The following GNB1 variants were observed in gnomAD, a reference collection of about 807,000 sequenced individuals.
The protein encoded by GNB1 is guanine nucleotide-binding protein G(I)/G(S)/G(T) subunit beta-1.
GNB1 carries 2 observed loss-of-function variants against 42.9 expected under a neutral mutation model. The ratio of observed to expected loss-of-function variants is 0.05; its 90% CI spans 0.02 to 0.15. The LOEUF (loss-of-function observed/expected upper bound fraction) is 0.15. GNB1 is among the 10% of genes least tolerant of loss of function. GNB1 has a pLI of 1.00. For synonymous variants in GNB1, 183 were observed against 174.7 expected, an observed-to-expected ratio of 1.05 and a Z score of -0.38; for missense variants, 193 against 462.2, an observed-to-expected ratio of 0.42 and a Z score of 5.34.
chr1:1,868,844 T>C (rs899781839), intron 1 of GNB1, among the ~76,000 whole-genome samples: 1 of 151,872 alleles, frequency 6.6e-6, no homozygotes, highest in Non-Finnish European at 1.5e-5. Flanking sequence ...ATTAGTGTAT[T>C]TGCCTAAGAA....
chr1:1,878,600 C>T (rs1158327103), intron 1 of GNB1, among the ~76,000 whole-genome samples: 1 of 152,174 alleles, frequency 6.6e-6, no homozygotes, highest in Non-Finnish European at 1.5e-5. Context: ...CCATCTTTTT[C>T]AGCACACAGC....
Position 1,787,509 on chromosome 1 carries a change from C to A in GNB1, c.917-72G>T, listed in dbSNP as rs115850563. On this transcript the variant is annotated intron_variant, in intron 10 of 11. Coordinates refer to ENST00000378609, the MANE Select transcript of GNB1 (RefSeq NM_002074.5). This position sits in a 1 kb window ranked among gnomAD's most constrained non-coding sequence, Gnocchi z 4.4. The stretch of plus-strand genomic sequence containing the variant: ...ATCTCACCTGTGTGCCATGTTGTGA[C>A]GAGGACGGATGGTGCATCTCTCATG... The A allele has an allele frequency of 3.1e-5, 28 of 901,924 alleles. No homozygotes were observed. The highest frequency in any genetic ancestry group is 7.2e-6 in the Non-Finnish European group (4 of 555,566). The allele number at this position is 901,924 out of a possible 1,614,324, so 55.9% of individuals were successfully genotyped here.
chr1:1,869,060 C>T (rs1287016741), intron 1 of GNB1, among the ~76,000 whole-genome samples: 9 of 150,794 alleles, frequency 6.0e-5, no homozygotes, highest in Non-Finnish European at 1.5e-5. Flanking sequence ...GTGGCGGGCA[C>T]CTGTAGTCCC....
At chr1:1,865,752 T>C (rs1186737402) in intron 1 of GNB1, among the ~76,000 whole-genome samples, 1 of 152,196 alleles carries the variant, frequency 6.6e-6, no homozygotes, top group African/African-American at 2.4e-5. Context: ...CTCATTTCAG[T>C]CATGCTAACT....
At position 1,790,459 on chromosome 1, in the gene GNB1, T is replaced by A; in HGVS notation, c.635A>T (p.Asp212Val). Reference protein sequence around the residue: ...GACDASAKLWDVREGMCRQTF... With the variant: ...GACDASAKLWVVREGMCRQTF... ...CTGCCGGCACATGCCTTCTCGCACA[T>A]CCCAGAGTTTGGCTGAAGCATCACA... Residue 212 changes from aspartate to valine, a missense_variant, in exon 9 of 12, where the codon GAT (aspartate) becomes GTT (valine). By Grantham distance (152) the Asp-to-Val change is radical. This residue lies in a region of GNB1 where 150 missense variants were observed against 410.8 expected (regional missense o/e 0.37). Transcript: ENST00000378609. This position sits in a 1 kb window ranked among gnomAD's most constrained non-coding sequence, Gnocchi z 5.4. 1 of 1,613,984 alleles carries A rather than the reference T, an allele frequency of 6.2e-7. No individual in the cohort carries two copies.
rs1557880103 is a variant in GNB1 at position 1,789,715 on chromosome 1, TG to T, written c.700-447del. Among the ~76,000 whole-genome samples the T allele has an allele frequency of 2.3e-4, 12 of 51,564 alleles. No homozygotes were observed. In the South Asian group the frequency reaches 3.8e-3, roughly 16 times the overall value. 33.8% of individuals were successfully genotyped at this position (51,564 alleles called of 152,430 possible). A position where few individuals can be genotyped will look rare whatever the true frequency, so the allele number is the denominator to read the frequency against. On this transcript the variant is annotated intron_variant, in intron 9 of 11. Transcript: ENST00000378609. ...CGTCTCAAAAAAAAAAAAAAAAGGG[TG>T]GGGGGATGGGGGAGGAACTACAGGG...
At chr1:1,889,716 A>T (rs1650365933) in intron 1 of GNB1, among the ~76,000 whole-genome samples, 1 of 152,092 alleles carries the variant, frequency 6.6e-6, no homozygotes. Flanking sequence ...AAAAGCTGAT[A>T]CTGCTTCTGC....
chr1:1,859,416 G>A (rs1284792169), intron 1 of GNB1, among the ~76,000 whole-genome samples: 1 of 152,194 alleles, frequency 6.6e-6, no homozygotes, highest in East Asian at 1.9e-4. Context: ...GGGCGTGGTG[G>A]CTCATGTGAG....
At chr1:1,885,779 C>T (rs1185517918) in intron 1 of GNB1, among the ~76,000 whole-genome samples, 1 of 150,248 alleles carries the variant, frequency 6.7e-6, no homozygotes, top group African/African-American at 2.4e-5. Flanking sequence ...AGGATGGTCT[C>T]AATCTCCTGA....
intron 1 of GNB1, among the ~76,000 whole-genome samples, chr1:1,885,697 C>G (rs1224748686): frequency 2.7e-5 from 4 of 150,720 alleles, no homozygotes; most frequent in Non-Finnish European, 4.4e-5. Flanking sequence ...GCTGGGACTA[C>G]AGGCGCCCGC....
At chr1:1,860,169 A>G (rs1306987698) in intron 1 of GNB1, among the ~76,000 whole-genome samples, 2 of 152,236 alleles carry the variant, frequency 1.3e-5, no homozygotes, top group Non-Finnish European at 2.9e-5. Context: ...AAGTGAATTA[A>G]CACAGCAACA....
chr1:1,833,523 C>T (rs1343442745), intron 2 of GNB1, among the ~76,000 whole-genome samples: 1 of 152,156 alleles, frequency 6.6e-6, no homozygotes, highest in Middle Eastern at 3.2e-3. Context: ...ATGCGCAGAC[C>T]CTCCCTCCAA....
intron 1 of GNB1, among the ~76,000 whole-genome samples, chr1:1,877,332 C>CAT (rs1649604887): frequency 7.0e-6 from 1 of 143,146 alleles, no homozygotes; most frequent in Non-Finnish European, 1.5e-5. Context: ...TATATATATA[C>CAT]ACACACACAC....
intron 2 of GNB1, among the ~76,000 whole-genome samples, chr1:1,835,348 T>A (rs543587524): frequency 6.6e-6 from 1 of 152,290 alleles, no homozygotes; most frequent in African/African-American, 2.4e-5. Flanking sequence ...TCTGCCTACA[T>A]TTTTTTGTCT....
At chr1:1,835,824 G>A (rs745915509) in intron 2 of GNB1, among the ~76,000 whole-genome samples, 29 of 148,220 alleles carry the variant, frequency 2.0e-4, no homozygotes, top group Non-Finnish European at 4.0e-4. Flanking sequence ...TATAATCTGA[G>A]CACTTTCCGA....
chr1:1,822,705 A>G (rs1325451130), intron 3 of GNB1, among the ~76,000 whole-genome samples: 1 of 152,160 alleles, frequency 6.6e-6, no homozygotes, highest in Non-Finnish European at 1.5e-5. Context: ...CTGTGCAAGA[A>G]GGCCCTGGGG....
In GNB1 at chr1:1,811,093, T is replaced by C. The variant is rs1006958704; in HGVS notation, c.204-4555A>G. 4.2e-4 allele frequency among the ~76,000 whole-genome samples: 62 copies of C among 148,718 alleles called. No homozygotes were observed. In the East Asian group the frequency reaches 8.6e-3, roughly 21 times the overall value. ...TACATATATATATATTTTTTTTTTT[T>C]TTCTTTTTTTGAGATGGAGTCTCAC... is the stretch of plus-strand genomic sequence containing the variant. On this transcript the variant is annotated intron_variant, in intron 5 of 11. Transcript: ENST00000378609.
At chr1:1,827,402 T>C (rs769555138) in intron 2 of GNB1, among the ~76,000 whole-genome samples, 1 of 152,210 alleles carries the variant, frequency 6.6e-6, no homozygotes. Flanking sequence ...AAAGGCATTA[T>C]TTGAAACGGA....
At chr1:1,805,695 C>A (rs1646687415) in intron 6 of GNB1, among the ~76,000 whole-genome samples, 1 of 152,014 alleles carries the variant, frequency 6.6e-6, no homozygotes, top group East Asian at 2.0e-4. Context: ...CGCCTGCCAC[C>A]ACTCCTGGCT....
Sources: gnomAD v4.1 joint callset for allele counts (sites outside exome capture counted in the v4.1 genomes callset) on GRCh38, gnomAD v4.1.1 for gene constraint, gnomAD v4.1.1 regional missense constraint, Gnocchi (gnomAD v3.1) non-coding constraint, MANE v1.5 for transcripts, NCBI Gene and HGNC (gene_info 2026-07-23, HGNC 2026-07-21) for gene names.